The following XRCC5 variants were observed in gnomAD, a reference collection of about 807,000 sequenced individuals.
XRCC5 encodes the protein X-ray repair cross complementing 5.
In XRCC5, 12 loss-of-function variants were observed where a neutral mutation model predicts 95.7. The observed-to-expected ratio is 0.13, with a 90% CI of 0.08 to 0.20. XRCC5 has a LOEUF of 0.20. XRCC5 is among the 10% of genes least tolerant of loss of function. The pLI is 1.00. For missense variants in XRCC5, 595 were observed against 873.9 expected, an observed-to-expected ratio of 0.68 and a Z score of 4.02; for synonymous variants, 281 against 290.3, an observed-to-expected ratio of 0.97 and a Z score of 0.33.
chr2:216,129,644 A>G (rs1273570091), intron 8 of XRCC5, among the ~76,000 whole-genome samples: 1 of 152,196 alleles, frequency 6.6e-6, no homozygotes, highest in Non-Finnish European at 1.5e-5. Context: ...TTTTGTCACT[A>G]GCTTTTTAAA....
chr2:216,122,277 G>T, intron 6 of XRCC5, 24 bp downstream of exon 6: 1 of 1,576,348 alleles, frequency 6.3e-7, no homozygotes, highest in African/African-American at 1.4e-5. Context: ...ACATTGATGG[G>T]AATTTTTAAT....
At chr2:216,138,265 A>C in intron 12 of XRCC5, 86 bp downstream of exon 12, 1 of 1,121,368 alleles carries the variant, frequency 8.9e-7, no homozygotes, top group Non-Finnish European at 1.3e-6. Context: ...GGTTGGGGCT[A>C]GGTATTTATA....
intron 5 of XRCC5, 80 bp from the exon 6 acceptor site, chr2:216,121,982 C>A: frequency 1.6e-6 from 2 of 1,256,696 alleles, no homozygotes; most frequent in Non-Finnish European, 2.1e-6. Flanking sequence ...AAAAGGTTGA[C>A]TGATGTGCTC....
chr2:216,170,037 C>CAAAAAAAAAAA (rs71047982), intron 16 of XRCC5, among the ~76,000 whole-genome samples: 5 of 53,652 alleles, frequency 9.3e-5, no homozygotes, highest in African/African-American at 2.2e-4. Context: ...GACTGTGTCT[C>CAAAAAAAAAAA]AAAAAAAAAA....
intron 16 of XRCC5, chr2:216,175,467 T>C (rs1689254931): frequency 2.0e-6 from 1 of 510,726 alleles, no homozygotes; most frequent in African/African-American, 2.0e-5. Flanking sequence ...GTTGTGCTTG[T>C]TAATAGTGTG....
intron 16 of XRCC5, among the ~76,000 whole-genome samples, chr2:216,166,413 A>T (rs1302597551): frequency 1.3e-5 from 2 of 152,136 alleles, no homozygotes; most frequent in East Asian, 1.9e-4. Flanking sequence ...TGAGCCACCA[A>T]GTCCAGCTCA....
At chr2:216,119,350 G>A (rs1482347329) in intron 5 of XRCC5, among the ~76,000 whole-genome samples, 185 bp downstream of exon 5, 1 of 152,190 alleles carries the variant, frequency 6.6e-6, no homozygotes, top group Non-Finnish European at 1.5e-5. Context: ...GAACTGTTCT[G>A]AGTGGTCGTG....
At chr2:216,120,440 C>T (rs1176618464) in intron 5 of XRCC5, among the ~76,000 whole-genome samples, 4 of 152,054 alleles carry the variant, frequency 2.6e-5, no homozygotes, top group African/African-American at 9.7e-5. Context: ...TGCTTTCTTC[C>T]TGTGCTACAA....
chr2:216,201,597 T>A (rs563659750), intron 19 of XRCC5, among the ~76,000 whole-genome samples: 4 of 152,198 alleles, frequency 2.6e-5, no homozygotes, highest in Middle Eastern at 3.4e-3. Context: ...GTGATGGTGG[T>A]TTGAGGAAGA....
chr2:216,136,612 T>C (rs1346848512), intron 10 of XRCC5, among the ~76,000 whole-genome samples: 1 of 151,448 alleles, frequency 6.6e-6, no homozygotes, highest in South Asian at 2.1e-4. Context: ...AACCAAGGAG[T>C]TGGCAATTAG....
chr2:216,135,957 G>C (rs1190182722), intron 10 of XRCC5, among the ~76,000 whole-genome samples: 1 of 152,174 alleles, frequency 6.6e-6, no homozygotes, highest in East Asian at 1.9e-4. Context: ...TTGTCGTGGT[G>C]AATGTGAACA....
At chr2:216,146,240 G>T (rs1688632214) in intron 13 of XRCC5, among the ~76,000 whole-genome samples, 1 of 152,216 alleles carries the variant, frequency 6.6e-6, no homozygotes, top group Admixed American at 6.5e-5. Flanking sequence ...GCAGGGAGAA[G>T]CGCATGGAAT....
chr2:216,151,321 G>C (rs1688740211), intron 14 of XRCC5, among the ~76,000 whole-genome samples: 1 of 152,158 alleles, frequency 6.6e-6, no homozygotes, highest in Non-Finnish European at 1.5e-5. Context: ...CTCTTGGACG[G>C]GGAACTTGCA....
chr2:216,158,225 G>A (rs934663751), intron 14 of XRCC5, among the ~76,000 whole-genome samples: 3 of 152,202 alleles, frequency 2.0e-5, no homozygotes, highest in African/African-American at 7.2e-5. Context: ...TTGTGGAAGA[G>A]AATAGTTGAT....
At chr2:216,150,131 A>T (rs1688716041) in intron 14 of XRCC5, among the ~76,000 whole-genome samples, 1 of 152,148 alleles carries the variant, frequency 6.6e-6, no homozygotes, top group South Asian at 2.1e-4. Flanking sequence ...ATTGCCAACA[A>T]TTCGCAATGT....
At chr2:216,200,339 G>T (rs1689813424) in intron 19 of XRCC5, among the ~76,000 whole-genome samples, 1 of 152,152 alleles carries the variant, frequency 6.6e-6, no homozygotes, top group African/African-American at 2.4e-5. Context: ...TTTCTTGAGA[G>T]CAGTTTTGTC....
intron 1 of XRCC5, 35 bp downstream of exon 1, chr2:216,109,492 G>C: frequency 1.2e-6 from 2 of 1,613,154 alleles, no homozygotes; most frequent in Non-Finnish European, 1.7e-6. Context: ...GCTTTACCCG[G>C]ACTGGGGATC....
intron 16 of XRCC5, among the ~76,000 whole-genome samples, chr2:216,170,295 A>C (rs188866517): frequency 9.0e-4 from 137 of 152,254 alleles, no homozygotes; most frequent in African/African-American, 3.2e-3. Context: ...CTCATGCTAC[A>C]TAGGAAAGTT....
At position 216,143,873 on chromosome 2, in the gene XRCC5, A is replaced by ATT. The variant is rs5838569; in HGVS notation, c.1476+2567_1476+2568dup. On this transcript the variant is annotated intron_variant, in intron 13 of 20. Coordinates refer to ENST00000392132, the MANE Select transcript of XRCC5 (RefSeq NM_021141.4). ...AGATGCCCGCCACCACGCCCGGCTA[A>ATT]TTTTTTTTTTTTTTGTATTTTTAGT... 9.7e-4 allele frequency among the ~76,000 whole-genome samples: 141 copies of ATT among 145,386 alleles called. 1 individual carries two copies. Among genetic ancestry groups the ATT allele is most frequent in the African/African-American group, 3.3e-3 (129 of 39,440 alleles).
Sources: gnomAD v4.1 joint callset for allele counts (sites outside exome capture counted in the v4.1 genomes callset) on GRCh38, gnomAD v4.1.1 for gene constraint, MANE v1.5 for transcripts, NCBI Gene and HGNC (gene_info 2026-07-23, HGNC 2026-07-21) for gene names.